OSBP2: variants seen among roughly 807,000 people sequenced by gnomAD.
OSBP2 encodes oxysterol-binding protein 2.
A neutral mutation model predicts 96.0 loss-of-function variants in OSBP2; 66 were observed. That is an observed-to-expected ratio of 0.69 (90% CI 0.56 to 0.84). The LOEUF (loss-of-function observed/expected upper bound fraction) is 0.84. OSBP2 is among the 40% of genes least tolerant of loss of function. The pLI, the probability that OSBP2 is intolerant of heterozygous loss-of-function variation, is 0.00. For missense variants in OSBP2, 1,038 were observed against 1,222.7 expected (o/e 0.85, Z 2.25); for synonymous variants, 525 against 520.9 (o/e 1.01, Z -0.11).
chr22:30,858,362 G>T (rs150916672), intron 2 of OSBP2, among the ~76,000 whole-genome samples: 5,630 of 150,658 alleles, frequency 0.037, 189 homozygotes, highest in East Asian at 0.11. Flanking sequence ...TAGCCAGGAT[G>T]GTCTCGATCT....
At chr22:30,839,575 T>C (rs935718875) in intron 2 of OSBP2, among the ~76,000 whole-genome samples, 3 of 152,088 alleles carry the variant, frequency 2.0e-5, no homozygotes, top group Non-Finnish European at 2.9e-5. Flanking sequence ...ATTATGGTTT[T>C]GATTTGCATT....
At chr22:30,846,468 T>C (rs1396267997) in intron 2 of OSBP2, among the ~76,000 whole-genome samples, 1 of 152,130 alleles carries the variant, frequency 6.6e-6, no homozygotes, top group African/African-American at 2.4e-5. Flanking sequence ...ACTATTTACA[T>C]TCCCACAGTA....
At position 30,773,507 on chromosome 22, in the gene OSBP2, G is replaced by A. The variant is rs138100287; in HGVS notation, c.853+32138G>A. Among the ~76,000 whole-genome samples, 3 of 152,288 alleles carry A rather than the reference G, an allele frequency of 2.0e-5. No homozygotes were observed. In the East Asian group the frequency reaches 5.8e-4, roughly 29 times the overall value. On this transcript the variant is annotated intron_variant, in intron 2 of 13. Transcript: ENST00000332585. ...TGTTTGACTTCCCTGATAATCCATA[G>A]CAACAGGAGGGTGGGGATTGTGACA... is the stretch of plus-strand genomic sequence containing the variant.
At chr22:30,833,225 C>G (rs1323192374) in intron 2 of OSBP2, among the ~76,000 whole-genome samples, 2 of 152,132 alleles carry the variant, frequency 1.3e-5, no homozygotes, top group African/African-American at 4.8e-5. Flanking sequence ...AGGCATGGAG[C>G]CAGCCGTCCG....
At chr22:30,879,774 A>G (rs2039661884) in intron 3 of OSBP2, among the ~76,000 whole-genome samples, 1 of 152,244 alleles carries the variant, frequency 6.6e-6, no homozygotes, top group Non-Finnish European at 1.5e-5. Flanking sequence ...AAGCCAAGCC[A>G]GGCATGGTGG....
At chr22:30,805,340 G>T (rs1269576225) in intron 2 of OSBP2, among the ~76,000 whole-genome samples, 1 of 152,216 alleles carries the variant, frequency 6.6e-6, no homozygotes, top group Non-Finnish European at 1.5e-5. Context: ...GAAAACAATT[G>T]ATCTTGTGTT....
At chr22:30,700,421 T>C (rs1160199101) in intron 1 of OSBP2, among the ~76,000 whole-genome samples, 1 of 152,196 alleles carries the variant, frequency 6.6e-6, no homozygotes, top group African/African-American at 2.4e-5. Context: ...CTAGTTCTTA[T>C]CTCACAGGGA....
intron 1 of OSBP2, 110 bp downstream of exon 1, chr22:30,695,663 T>C: frequency 6.7e-7 from 1 of 1,499,610 alleles, no homozygotes; most frequent in Admixed American, 2.2e-5. Flanking sequence ...TAGAGATGTT[T>C]AGGGGCATGC....
intron 3 of OSBP2, among the ~76,000 whole-genome samples, chr22:30,882,476 C>G (rs2039722416): frequency 6.6e-6 from 1 of 150,926 alleles, no homozygotes; most frequent in African/African-American, 2.4e-5. Context: ...TCACCCTGAG[C>G]CTTCATTTCC....
At chr22:30,717,723 T>A (rs186845968) in intron 1 of OSBP2, among the ~76,000 whole-genome samples, 1 of 152,332 alleles carries the variant, frequency 6.6e-6, no homozygotes, top group East Asian at 1.9e-4. Flanking sequence ...TTATTCATCT[T>A]CTATTCATCT....
intron 5 of OSBP2, 122 bp downstream of exon 5, chr22:30,888,462 G>T: frequency 1.4e-6 from 1 of 702,924 alleles, no homozygotes; most frequent in Non-Finnish European, 2.5e-6. Context: ...GCTTTGGCCA[G>T]GCCCAGTGGC....
At chr22:30,824,381 C>A (rs1321010367) in intron 2 of OSBP2, among the ~76,000 whole-genome samples, 5 of 152,154 alleles carry the variant, frequency 3.3e-5, no homozygotes, top group Non-Finnish European at 7.4e-5. Flanking sequence ...CAGAACTCAG[C>A]TACCATGTCG....
intron 2 of OSBP2, among the ~76,000 whole-genome samples, chr22:30,805,312 A>G (rs2145848056): frequency 6.6e-6 from 1 of 152,368 alleles, no homozygotes; most frequent in South Asian, 2.1e-4. Flanking sequence ...TTGTCAATAG[A>G]ACACGTTTCA....
intron 2 of OSBP2, among the ~76,000 whole-genome samples, chr22:30,836,819 C>T (rs2038642198): frequency 6.6e-6 from 1 of 152,064 alleles, no homozygotes; most frequent in African/African-American, 2.4e-5. Context: ...TGATATTGGC[C>T]AGAAAGAAGG....
At chr22:30,877,425 G>A (rs1602401979) in intron 3 of OSBP2, among the ~76,000 whole-genome samples, 1 of 152,184 alleles carries the variant, frequency 6.6e-6, no homozygotes, top group East Asian at 1.9e-4. Flanking sequence ...CAGGCATGAG[G>A]TGGGGACATT....
intron 1 of OSBP2, among the ~76,000 whole-genome samples, chr22:30,707,825 A>G (rs1181510555): frequency 2.0e-5 from 3 of 151,666 alleles, no homozygotes; most frequent in Non-Finnish European, 4.4e-5. Flanking sequence ...GAGTCAATGA[A>G]TTGCTAGGAG....
At chr22:30,872,607 C>T (rs897218441) in intron 3 of OSBP2, 4 of 354,226 alleles carry the variant, frequency 1.1e-5, no homozygotes, top group Non-Finnish European at 2.2e-5. Context: ...CCCTGAGTGA[C>T]GGAAGCTGTG....
At chr22:30,842,396 G>A (rs1199686032) in intron 2 of OSBP2, among the ~76,000 whole-genome samples, 2 of 152,094 alleles carry the variant, frequency 1.3e-5, no homozygotes, top group African/African-American at 4.8e-5. Flanking sequence ...CCTTGATGTT[G>A]ATGGCTGGTG....
chr22:30,706,148 C>T (rs185087954), intron 1 of OSBP2, among the ~76,000 whole-genome samples: 3 of 152,250 alleles, frequency 2.0e-5, no homozygotes, highest in African/African-American at 7.2e-5. Flanking sequence ...AGAAACACCT[C>T]TGAACAAAAT....
Sources: allele counts gnomAD v4.1 joint callset (sites outside exome capture counted in the v4.1 genomes callset), GRCh38; gene constraint gnomAD v4.1.1; transcripts MANE v1.5; gene names NCBI Gene and HGNC (gene_info 2026-07-23, HGNC 2026-07-21).